The following SEMA3A variants were observed in gnomAD, a reference collection of about 807,000 sequenced individuals.
SEMA3A encodes semaphorin 3A, also known as semaphorin-3A.
In SEMA3A, 29 loss-of-function variants were observed where a neutral mutation model predicts 97.9. The ratio of observed to expected loss-of-function variants is 0.30; its 90% CI spans 0.22 to 0.40. The LOEUF is 0.40. SEMA3A is among the 10% of genes least tolerant of loss of function. SEMA3A has a pLI of 1.00. For synonymous variants in SEMA3A, 321 were observed against 323.7 expected, an observed-to-expected ratio of 0.99 and a Z score of 0.09; for missense variants, 763 against 951.3, an observed-to-expected ratio of 0.80 and a Z score of 2.60.
intron 12 of SEMA3A, among the ~76,000 whole-genome samples, chr7:83,990,606 T>C (rs1425037049): frequency 4.8e-5 from 7 of 145,502 alleles, no homozygotes; most frequent in Non-Finnish European, 1.5e-5. Context: ...TTTTCTCAGG[T>C]TTGTCAAAGA....
chr7:84,305,469 CAT>C (rs1801131393), intron 3 of SEMA3A, among the ~76,000 whole-genome samples: 1 of 151,916 alleles, frequency 6.6e-6, no homozygotes, highest in East Asian at 1.9e-4. Flanking sequence ...TTTGAGTTTT[CAT>C]TGGTTGACTT....
chr7:84,093,394 A>C (rs2115861713), intron 4 of SEMA3A, among the ~76,000 whole-genome samples: 1 of 152,290 alleles, frequency 6.6e-6, no homozygotes, highest in African/African-American at 2.4e-5. Flanking sequence ...ATGGTAGACT[A>C]CAATACAAGT....
intron 3 of SEMA3A, among the ~76,000 whole-genome samples, chr7:84,239,669 C>G (rs981570114): frequency 2.6e-5 from 4 of 152,016 alleles, no homozygotes. Flanking sequence ...TGTAATTTTT[C>G]TAACATATTT....
intron 3 of SEMA3A, among the ~76,000 whole-genome samples, chr7:84,125,272 A>G (rs898001895): frequency 6.6e-5 from 10 of 152,170 alleles, no homozygotes; most frequent in African/African-American, 2.4e-4. Flanking sequence ...CTTCTATCAT[A>G]ATGATTTATA....
At chr7:84,374,050 G>C (rs190775340) in intron 1 of SEMA3A, among the ~76,000 whole-genome samples, 165 of 152,296 alleles carry the variant, frequency 1.1e-3, no homozygotes, top group Middle Eastern at 3.4e-3. Flanking sequence ...CTGGTCATGA[G>C]ATCACGGGAG....
intron 1 of SEMA3A, among the ~76,000 whole-genome samples, chr7:84,160,919 G>C (rs781092831): frequency 3.3e-5 from 5 of 151,842 alleles, no homozygotes; most frequent in African/African-American, 7.3e-5. Context: ...TAATTCCATA[G>C]GATAGGTAGT....
At chr7:84,081,542 A>G (rs542889335) in intron 4 of SEMA3A, among the ~76,000 whole-genome samples, 75 of 150,614 alleles carry the variant, frequency 5.0e-4, no homozygotes, top group African/African-American at 9.7e-4. Context: ...GCAGTGAGCC[A>G]AGATCACGCC....
intron 16 of SEMA3A, among the ~76,000 whole-genome samples, chr7:83,962,253 T>A (rs538970483): frequency 3.5e-4 from 53 of 152,158 alleles, no homozygotes; most frequent in Middle Eastern, 3.4e-3. Context: ...AATTAAATTT[T>A]AAAAAAATAG....
chr7:84,009,088 A>C (rs1266785299), intron 9 of SEMA3A, among the ~76,000 whole-genome samples: 2 of 152,202 alleles, frequency 1.3e-5, no homozygotes, highest in Non-Finnish European at 2.9e-5. Context: ...CCCTAGACAA[A>C]CAACATGGGC....
chr7:84,327,276 G>C lies in SEMA3A; in HGVS notation c.-168-19984C>G, dbSNP rs182639783. The stretch of plus-strand genomic sequence containing the variant: ...AACTTAATTCTAGGCCATTAGGTAT[G>C]TTCAATGACAGTCAGAAAGCAGGTA... On this transcript the variant is annotated intron_variant, in intron 2 of 3. Coordinates refer to the SEMA3A transcript ENST00000424555. Among the ~76,000 whole-genome samples, 30 of 151,932 alleles carry C rather than the reference G, an allele frequency of 2.0e-4. No homozygotes were observed. The East Asian group carries it at 5.6e-3, about 28-fold the overall frequency.
chr7:84,183,740 T>C (rs527407448), intron 1 of SEMA3A, among the ~76,000 whole-genome samples: 1 of 152,234 alleles, frequency 6.6e-6, no homozygotes, highest in African/African-American at 2.4e-5. Context: ...TTTGGAAATA[T>C]AAAAACGCAA....
chr7:84,492,426 A>C (rs2116456313), intron 1 of SEMA3A: 1 of 152,314 alleles, frequency 6.6e-6, no homozygotes, highest in South Asian at 2.1e-4. Flanking sequence ...TTAATTCCCA[A>C]GTAAAAGAAA....
intron 1 of SEMA3A, among the ~76,000 whole-genome samples, chr7:84,396,322 T>TATA (rs1803730750): frequency 7.3e-6 from 1 of 136,924 alleles, no homozygotes; most frequent in Non-Finnish European, 1.6e-5. Flanking sequence ...CTGAACAAAA[T>TATA]ATATTATATT....
rs774711641 is a variant in SEMA3A at position 83,988,003 on chromosome 7, C to T, written c.1453-2526G>A. 1.4e-3 allele frequency among the ~76,000 whole-genome samples: 214 copies of T among 152,234 alleles called. 1 individual carries two copies. Among genetic ancestry groups the T allele is most frequent in the Non-Finnish European group, 2.1e-3 (145 of 68,024 alleles). ...ATAGGACACTTTTCTGTATCCATAA[C>T]TATTATTAGACTTTGTTTTATATTT... On this transcript the variant is annotated intron_variant, in intron 12 of 16. Transcript: ENST00000265362.
At chr7:84,305,839 T>G (rs1355401930) in intron 3 of SEMA3A, among the ~76,000 whole-genome samples, 1 of 151,918 alleles carries the variant, frequency 6.6e-6, no homozygotes, top group African/African-American at 2.4e-5. Flanking sequence ...TCATGAAAAA[T>G]AACATCCAGG....
At chr7:84,250,731 A>G (rs1461926575) in intron 3 of SEMA3A, among the ~76,000 whole-genome samples, 1 of 152,194 alleles carries the variant, frequency 6.6e-6, no homozygotes, top group East Asian at 1.9e-4. Flanking sequence ...TCATAATTCA[A>G]TATAAATTGA....
intron 9 of SEMA3A, among the ~76,000 whole-genome samples, chr7:84,010,546 G>A (rs1414808569): frequency 6.6e-6 from 1 of 152,126 alleles, no homozygotes; most frequent in East Asian, 1.9e-4. Flanking sequence ...GACTTTCAGT[G>A]GAATTGCTGA....
intron 6 of SEMA3A, among the ~76,000 whole-genome samples, chr7:84,030,627 G>C (rs181223821): frequency 2.4e-4 from 37 of 152,022 alleles, no homozygotes; most frequent in African/African-American, 8.9e-4. Context: ...AAGGAGTCTA[G>C]ATAAGTTTAA....
chr7:83,991,967 G>C (rs1413685956), intron 12 of SEMA3A, among the ~76,000 whole-genome samples: 2 of 145,726 alleles, frequency 1.4e-5, no homozygotes, highest in Admixed American at 1.4e-4. Flanking sequence ...TTTTTGGTTG[G>C]TAAGCTATTG....
Sources: gnomAD v4.1 joint callset for allele counts (sites outside exome capture counted in the v4.1 genomes callset) on GRCh38, gnomAD v4.1.1 for gene constraint, MANE v1.5 for transcripts, NCBI Gene and HGNC (gene_info 2026-07-23, HGNC 2026-07-21) for gene names.